Variants in APP observed in about 807,000 individuals in gnomAD.
APP encodes amyloid beta precursor protein, also known as amyloid-beta precursor protein.
In APP, 31 loss-of-function variants were observed where a neutral mutation model predicts 101.4. The observed-to-expected ratio is 0.31, with a 90% CI of 0.23 to 0.41. The LOEUF (loss-of-function observed/expected upper bound fraction) is 0.41. Among genes scored for constraint, APP ranks in the 10% least tolerant of loss-of-function variants. The pLI is 1.00. For missense variants in APP, 839 were observed against 1,003.7 expected, an observed-to-expected ratio of 0.84 and a Z score of 2.22; for synonymous variants, 366 against 364.4, an observed-to-expected ratio of 1.00 and a Z score of -0.05.
intron 1 of APP, among the ~76,000 whole-genome samples, chr21:26,112,445 A>G (rs929467702): frequency 6.6e-6 from 1 of 152,182 alleles, no homozygotes; most frequent in Non-Finnish European, 1.5e-5. Context: ...TACCTGCTGA[A>G]AGGTTCTGAC....
At chr21:26,146,030 A>T (rs1321492069) in intron 1 of APP, among the ~76,000 whole-genome samples, 2 of 152,234 alleles carry the variant, frequency 1.3e-5, no homozygotes, top group Admixed American at 1.3e-4. Context: ...AGATCAAGGG[A>T]TATGTACATA....
intron 13 of APP, among the ~76,000 whole-genome samples, chr21:25,915,230 T>A (rs1354188044): frequency 6.6e-6 from 1 of 152,216 alleles, no homozygotes; most frequent in Non-Finnish European, 1.5e-5. Flanking sequence ...ATTCTGACAC[T>A]TTTGTTTTCT....
intron 2 of APP, among the ~76,000 whole-genome samples, chr21:26,094,639 T>C (rs1414461702): frequency 6.7e-6 from 1 of 149,834 alleles, no homozygotes; most frequent in Non-Finnish European, 1.5e-5. Flanking sequence ...TTTAAAGATA[T>C]AAATATAAAT....
At position 26,141,227 on chromosome 21, in the gene APP, G is replaced by C. The variant is rs184952609; in HGVS notation, c.58-29081C>G. Among the ~76,000 whole-genome samples the C allele has an allele frequency of 6.6e-5, 10 of 152,272 alleles. No individual in the cohort carries two copies. The East Asian group carries it at 1.9e-3, about 29-fold the overall frequency. ...AAACTTTCTAAATTATATGTCATTG[G>C]TTCATTATTTAAGCTTCTGAGGTTT... On this transcript the variant is annotated intron_variant, in intron 1 of 17. Transcript: ENST00000346798.
intron 2 of APP, 124 bp from the exon 3 acceptor site, chr21:26,090,196 GA>G: frequency 6.9e-7 from 1 of 1,439,072 alleles, no homozygotes; most frequent in East Asian, 2.5e-5. Flanking sequence ...CTTGGGACCA[GA>G]AGTGCTTTCA....
At chr21:26,106,406 G>A (rs2062183967) in intron 2 of APP, among the ~76,000 whole-genome samples, 1 of 152,052 alleles carries the variant, frequency 6.6e-6, no homozygotes, top group South Asian at 2.1e-4. Flanking sequence ...TTATCACCTG[G>A]CAAAAGAAAC....
chr21:26,039,050 A>G (rs2146855196), intron 5 of APP, among the ~76,000 whole-genome samples: 1 of 152,270 alleles, frequency 6.6e-6, no homozygotes, highest in African/African-American at 2.4e-5. Flanking sequence ...TCTTTCCTTG[A>G]CTACTTGGAT....
intron 1 of APP, among the ~76,000 whole-genome samples, chr21:26,127,675 C>A (rs1273954622): frequency 6.6e-6 from 1 of 152,200 alleles, no homozygotes; most frequent in Admixed American, 6.5e-5. Flanking sequence ...AAAGTCAATT[C>A]TGTATTTAGT....
intron 5 of APP, among the ~76,000 whole-genome samples, chr21:26,045,036 C>T (rs978522841): frequency 4.0e-5 from 6 of 151,874 alleles, no homozygotes; most frequent in Non-Finnish European, 7.4e-5. Context: ...TTATTTGATA[C>T]CATTAGGAAG....
rs117009419 is a variant in APP, at chr21:26,038,913, T to C, written c.662+12087A>G. The stretch of plus-strand genomic sequence containing the variant: ...GAAGCAAATACCGTGATACAGATTA[T>C]TGCAATTTTCCCCATGTTTGAGGTA... On this transcript the variant is annotated intron_variant, in intron 5 of 17. Transcript: ENST00000346798. Among the ~76,000 whole-genome samples, 798 of 152,330 alleles carry C rather than the reference T, an allele frequency of 5.2e-3. 5 individuals are homozygous for C. The highest frequency in any genetic ancestry group is 6.4e-3 in the Non-Finnish European group (436 of 68,034).
At chr21:26,091,716 TA>T (rs958386500) in intron 2 of APP, among the ~76,000 whole-genome samples, 1 of 151,622 alleles carries the variant, frequency 6.6e-6, no homozygotes, top group African/African-American at 2.4e-5. Context: ...CAAGCTGAGG[TA>T]GGGGGGCTTT....
intron 16 of APP, among the ~76,000 whole-genome samples, chr21:25,896,969 T>G (rs2038092497): frequency 6.6e-6 from 1 of 152,222 alleles, no homozygotes. Flanking sequence ...ATGCATGTGT[T>G]TGATCCTTCA....
intron 3 of APP, 130 bp downstream of exon 3, chr21:26,089,811 AAC>A: frequency 7.1e-7 from 1 of 1,404,814 alleles, no homozygotes; most frequent in Non-Finnish European, 9.8e-7. Flanking sequence ...AAGAGTCCAA[AAC>A]ACAGTACAAC....
At chr21:26,040,940 G>A (rs2045347782) in intron 5 of APP, among the ~76,000 whole-genome samples, 1 of 152,206 alleles carries the variant, frequency 6.6e-6, no homozygotes, top group Admixed American at 6.5e-5. Context: ...TGGGGATACT[G>A]CAAATGTTAC....
chr21:25,896,219 T>C (rs1569020990), intron 16 of APP, among the ~76,000 whole-genome samples: 1 of 152,130 alleles, frequency 6.6e-6, no homozygotes, highest in Non-Finnish European at 1.5e-5. Context: ...AAAAGCTAAA[T>C]GTCTTTCTAC....
chr21:26,144,822 C>T (rs2830090), intron 1 of APP, among the ~76,000 whole-genome samples: 22,076 of 152,082 alleles, frequency 0.15, 1,810 homozygotes, highest in Admixed American at 0.23. Context: ...AATTTTAGAT[C>T]GAGGGAGTTG....
Position 26,032,936 on chromosome 21 carries a change from G to A in APP, c.663-10894C>T, listed in dbSNP as rs2044906639. On this transcript the variant is annotated intron_variant, in intron 5 of 17. Coordinates refer to ENST00000346798, the MANE Select transcript of APP (RefSeq NM_000484.4). ...AGCATAAAACAGTGTTTTCAGTGAAGTGCATATTAACAATAATGGGCTGAA... is the reference window on the plus strand; with the variant it reads ...AGCATAAAACAGTGTTTTCAGTGAAATGCATATTAACAATAATGGGCTGAA... Among the ~76,000 whole-genome samples the A allele has an allele frequency of 2.0e-5, 3 of 152,134 alleles. No individual in the cohort carries two copies. In the South Asian group the frequency reaches 6.2e-4, roughly 32 times the overall value.
intron 14 of APP, among the ~76,000 whole-genome samples, chr21:25,909,075 AAC>A (rs1309266853): frequency 6.6e-6 from 1 of 152,102 alleles, no homozygotes; most frequent in Non-Finnish European, 1.5e-5. Flanking sequence ...CATCCTGGCT[AAC>A]ACGGTGAAAC....
intron 13 of APP, among the ~76,000 whole-genome samples, chr21:25,916,305 T>C (rs1212065950): frequency 6.6e-6 from 1 of 152,096 alleles, no homozygotes; most frequent in Non-Finnish European, 1.5e-5. Flanking sequence ...TGGCCGTCAG[T>C]GTAGTTTTAA....
Sources: allele counts gnomAD v4.1 joint callset (sites outside exome capture counted in the v4.1 genomes callset), GRCh38; gene constraint gnomAD v4.1.1; transcripts MANE v1.5; gene names NCBI Gene and HGNC (gene_info 2026-07-23, HGNC 2026-07-21).